Variants in HMCN2 observed in about 807,000 individuals in gnomAD.
HMCN2 encodes the protein hemicentin 2, also known as hemicentin-2.
In HMCN2, 325 loss-of-function variants were observed where a neutral mutation model predicts 377.5. That is an observed-to-expected ratio of 0.86 (90% CI 0.79 to 0.94). HMCN2 has a LOEUF of 0.94. HMCN2 is among the 40% of genes least tolerant of loss of function. The pLI is 0.00. For missense variants in HMCN2, 4,543 were observed against 4,725.3 expected (o/e 0.96, Z 1.13); for synonymous variants, 2,007 against 2,046.8 (o/e 0.98, Z 0.53).
intron 7 of HMCN2, among the ~76,000 whole-genome samples, chr9:130,297,847 T>A (rs1282433871): frequency 2.6e-5 from 4 of 152,204 alleles, no homozygotes; most frequent in Non-Finnish European, 5.9e-5. Flanking sequence ...AGATATCCTA[T>A]GTGTAGTGAT....
At chr9:130,373,175 T>A (rs146888858) in intron 48 of HMCN2, 51 bp downstream of exon 48, 1 of 740,590 alleles carries the variant, frequency 1.4e-6, no homozygotes, top group Non-Finnish European at 1.6e-6. Context: ...GAAGGCACCT[T>A]CAGAAAGGAG....
At position 130,396,155 on chromosome 9, in the gene HMCN2, G is replaced by A; in HGVS notation, c.11054-14G>A. ...CACAGCTCCCAGCACCACTCCCTCT[G>A]TGCCCCTCCCCAGCGGTGCCCACCA... On this transcript the variant is annotated splice_polypyrimidine_tract_variant and intron_variant, in intron 72 of 97. Coordinates refer to ENST00000683500, the MANE Select transcript of HMCN2 (RefSeq NM_001291815.2). The A allele has an allele frequency of 8.1e-7, 1 of 1,238,598 alleles. No homozygotes were observed. The highest frequency in any genetic ancestry group is 1.0e-6 in the Non-Finnish European group (1 of 962,810). 76.7% of individuals were successfully genotyped at this position (1,238,598 alleles called of 1,614,324 possible). A position where few individuals can be genotyped will look rare whatever the true frequency, so the allele number is the denominator to read the frequency against.
intron 77 of HMCN2, among the ~76,000 whole-genome samples, chr9:130,402,371 A>T (rs1356578568): frequency 6.6e-6 from 1 of 152,198 alleles, no homozygotes; most frequent in African/African-American, 2.4e-5. Context: ...GGATAAAGGG[A>T]GGAGAGGAGG....
rs1033527127 is a variant in HMCN2 at position 130,360,947 on chromosome 9, C to G, written c.5950+343C>G. On this transcript the variant is annotated intron_variant, in intron 38 of 97. Coordinates refer to ENST00000683500, the MANE Select transcript of HMCN2 (RefSeq NM_001291815.2). The surrounding 1 kb of genome is among the most constrained non-coding windows in gnomAD (Gnocchi z 4.7). The stretch of plus-strand genomic sequence containing the variant: ...AACCATCCTTTCATTCATTTATCTA[C>G]CCACCTGTCTGCCCACCCATCCACC... 6.6e-6 allele frequency among the ~76,000 whole-genome samples: 1 copy of G among 151,884 alleles called. No homozygotes were observed. The highest frequency in any genetic ancestry group is 2.4e-5 in the African/African-American group (1 of 41,346).
chr9:130,432,778 C>A, intron 97 of HMCN2: 1 of 584,818 alleles, frequency 1.7e-6, no homozygotes, highest in Non-Finnish European at 3.0e-6. Flanking sequence ...CTCACACAAC[C>A]CCAGGACAAA....
chr9:130,418,974 C>A lies in HMCN2; in HGVS notation c.13164C>A (p.Gly4388=). Residue 4388 remains glycine (G), a synonymous_variant, in exon 86 of 98, where the codon GGC becomes GGA. Coordinates refer to ENST00000683500, the MANE Select transcript of HMCN2 (RefSeq NM_001291815.2). ...WLENVETGDA[G]TYDCVAHNLL... ...AGAACGTGGAGACTGGGGATGCAGGCACCTACGACTGCGTCGCTCACAACC... is the reference window on the plus strand; with the variant it reads ...AGAACGTGGAGACTGGGGATGCAGGAACCTACGACTGCGTCGCTCACAACC... 1 of 1,521,930 alleles carries A rather than the reference C, an allele frequency of 6.6e-7. No individual in the cohort carries two copies. 94.3% of individuals were successfully genotyped at this position (1,521,930 alleles called of 1,614,324 possible).
chr9:130,279,466 C>T (rs1316686397), intron 1 of HMCN2, among the ~76,000 whole-genome samples: 2 of 152,006 alleles, frequency 1.3e-5, no homozygotes, highest in East Asian at 1.9e-4. Flanking sequence ...AACTCTCCTG[C>T]CTCAGCCTTT....
At position 130,348,651 on chromosome 9, in the gene HMCN2, C is replaced by G. The variant is rs533362832; in HGVS notation, c.4131C>G (p.Ile1377Met). The change falls in exon 27 of 98, where the codon ATC (isoleucine) becomes ATG (methionine). Residue 1377 changes from isoleucine to methionine, a missense_variant. Physicochemically the swap from Ile to Met is conservative, Grantham distance 10 (BLOSUM62 1). Around this residue, in one of 5 missense-constraint regions of HMCN2, gnomAD observed 1,032 missense variants for 1,285.1 expected, o/e 0.80. Coordinates refer to ENST00000683500, the MANE Select transcript of HMCN2 (RefSeq NM_001291815.2). ...CDANGFPVPE[I>M]VWLKDAQLIP... ...CGAACGGCTTTCCAGTCCCTGAGAT[C>G]GTGTGGCTGAAGGACGCGCAGCTGG... 4.2e-5 allele frequency: 54 copies of G among 1,292,598 alleles called. No individual in the cohort carries two copies. Among genetic ancestry groups the G allele is most frequent in the Non-Finnish European group, 5.0e-5 (49 of 985,142 alleles). 80.1% of individuals were successfully genotyped at this position (1,292,598 alleles called of 1,614,324 possible). A position where few individuals can be genotyped will look rare whatever the true frequency, so the allele number is the denominator to read the frequency against.
At chr9:130,292,981 T>TCTACCTAC (rs1258659947) in intron 4 of HMCN2, among the ~76,000 whole-genome samples, 1 of 141,598 alleles carries the variant, frequency 7.1e-6, no homozygotes, top group Non-Finnish European at 1.6e-5. Flanking sequence ...TATCTATCTA[T>TCTACCTAC]CTATCTATCT....
At chr9:130,388,017 G>C (rs7039056) in intron 61 of HMCN2, among the ~76,000 whole-genome samples, 17,721 of 152,250 alleles carry the variant, frequency 0.12, 1,113 homozygotes, top group African/African-American at 0.16. Flanking sequence ...GTGGAAAGGG[G>C]GAATATCTGG....
rs551426188 is a variant in HMCN2, at chr9:130,426,368, G to A, written c.13879+444G>A. Among the ~76,000 whole-genome samples the A allele has an allele frequency of 2.0e-4, 31 of 152,350 alleles. No individual in the cohort carries two copies. The Middle Eastern group carries it at 0.01, about 50-fold the overall frequency. ...AAAGATACATACGTTCACATTATTT[G>A]AGGTCCCAAAGTGTTTTGAACATTG... is the stretch of plus-strand genomic sequence containing the variant. On this transcript the variant is annotated intron_variant, in intron 90 of 97. Transcript: ENST00000683500.
At chr9:130,275,102 C>CTT (rs35874810) in intron 1 of HMCN2, among the ~76,000 whole-genome samples, 2 of 151,832 alleles carry the variant, frequency 1.3e-5, no homozygotes, top group African/African-American at 2.4e-5. Flanking sequence ...CCCACACCGC[C>CTT]GCCAGCATCC....
chr9:130,268,571 G>A (rs1834243740), intron 1 of HMCN2, among the ~76,000 whole-genome samples: 1 of 149,396 alleles, frequency 6.7e-6, no homozygotes, highest in Admixed American at 6.7e-5. Flanking sequence ...AAGCAAGGAA[G>A]GGGGCTAAGG....
At chr9:130,406,873 G>A (rs1588411841) in intron 82 of HMCN2, 1 of 154,056 alleles carries the variant, frequency 6.5e-6, no homozygotes, top group Middle Eastern at 3.4e-3. Context: ...CTGGCCCGGA[G>A]TAGATGCCCA....
At chr9:130,407,430 G>C in intron 82 of HMCN2, 141 bp from the exon 83 acceptor site, 1 of 664,594 alleles carries the variant, frequency 1.5e-6, no homozygotes, top group South Asian at 1.8e-5. Context: ...TGCCTCCCAG[G>C]AACGTGTCTG....
intron 4 of HMCN2, among the ~76,000 whole-genome samples, chr9:130,290,753 A>T (rs1475937663): frequency 1.3e-5 from 2 of 152,090 alleles, no homozygotes; most frequent in Non-Finnish European, 2.9e-5. Flanking sequence ...ACAACAATGA[A>T]GTAGCTCCAA....
At position 130,315,549 on chromosome 9, in the gene HMCN2, C is replaced by T. The variant is rs913985085; in HGVS notation, c.2351-3946C>T. On this transcript the variant is annotated intron_variant, in intron 15 of 97. Coordinates refer to ENST00000683500, the MANE Select transcript of HMCN2 (RefSeq NM_001291815.2). ...AGTTGGGGGTTGAGGCTGGAGGCAGCAGCCACACTGGGCTGGTAGGGCATC... is the reference window on the plus strand; with the variant it reads ...AGTTGGGGGTTGAGGCTGGAGGCAGTAGCCACACTGGGCTGGTAGGGCATC... Among the ~76,000 whole-genome samples, 44 of 150,978 alleles carry T rather than the reference C, an allele frequency of 2.9e-4. No homozygotes were observed. The East Asian group carries it at 6.8e-3, about 23-fold the overall frequency.
chr9:130,338,904 G>A (rs1276599791), intron 23 of HMCN2, among the ~76,000 whole-genome samples: 1 of 152,236 alleles, frequency 6.6e-6, no homozygotes, highest in African/African-American at 2.4e-5. Context: ...AAATTTCAGT[G>A]TTGGCCAGAC....
chr9:130,356,739 G>A (rs1242222488), intron 34 of HMCN2, among the ~76,000 whole-genome samples: 2 of 152,204 alleles, frequency 1.3e-5, no homozygotes, highest in Non-Finnish European at 2.9e-5. Flanking sequence ...ACTACATTGG[G>A]ATTGCTTATT....
Sources: gnomAD v4.1 joint callset for allele counts (sites outside exome capture counted in the v4.1 genomes callset) on GRCh38, gnomAD v4.1.1 for gene constraint, gnomAD v4.1.1 regional missense constraint, Gnocchi (gnomAD v3.1) non-coding constraint, MANE v1.5 for transcripts, NCBI Gene and HGNC (gene_info 2026-07-23, HGNC 2026-07-21) for gene names.